SYNM: variants seen among roughly 807,000 people sequenced by gnomAD.
SYNM encodes desmuslin.
In SYNM, 95 loss-of-function variants were observed where a neutral mutation model predicts 104.0. The ratio of observed to expected loss-of-function variants is 0.91; its 90% CI spans 0.77 to 1.08. The LOEUF is 1.08. Ranked by LOEUF, SYNM falls within the 50% of genes least tolerant of loss-of-function variation. The pLI is 0.00. For synonymous variants in SYNM, 918 were observed against 869.0 expected (o/e 1.06, Z -0.99); for missense variants, 2,150 against 2,052.2 (o/e 1.05, Z -0.92).
At chr15:99,141,330 T>C in the SYNM span, among the ~76,000 whole-genome samples, 2 of 152,146 alleles carry the variant, frequency 1.3e-5, no homozygotes, top group African/African-American at 2.4e-5. Context: ...ATGCATATAA[T>C]ATGTATTATA....
chr15:99,113,944 C>T (rs954950315), intron 2 of SYNM, among the ~76,000 whole-genome samples: 5 of 152,176 alleles, frequency 3.3e-5, no homozygotes, highest in Admixed American at 1.3e-4. Context: ...GTAGCTGAGC[C>T]GTGCCCCCTT....
intron 1 of SYNM, among the ~76,000 whole-genome samples, chr15:99,110,511 G>T (rs1258614735): frequency 6.6e-6 from 1 of 152,244 alleles, no homozygotes; most frequent in Non-Finnish European, 1.5e-5. Context: ...TCGGCATCCA[G>T]TTCGTGCTTA....
chr15:99,105,199 G>A lies in SYNM; in HGVS notation c.-1G>A, dbSNP rs782728995. ...CGCGAGAACCCCGCACGCCCGGCAAGATGCTGTCCTGGCGGCTGCAGACGG... is the reference window on the plus strand; with the variant it reads ...CGCGAGAACCCCGCACGCCCGGCAAAATGCTGTCCTGGCGGCTGCAGACGG... On this transcript the variant is annotated 5_prime_UTR_variant, in exon 1 of 4. Transcript: ENST00000336292. The A allele has an allele frequency of 2.5e-6, 4 of 1,573,702 alleles. No homozygotes were observed. In the South Asian group the frequency reaches 3.5e-5, roughly 14 times the overall value.
In SYNM at chr15:99,130,673, G is replaced by A. The variant is rs782569951; in HGVS notation, c.2313G>A (p.Glu771=). 5.0e-6 allele frequency: 8 copies of A among 1,613,778 alleles called. No individual in the cohort carries two copies. The highest frequency in any genetic ancestry group is 1.3e-5 in the African/African-American group (1 of 74,924). ...PEEFSVPFKV[E]EVEDVSPGPW... is the part of the protein sequence containing the mutation. ...AGTTTTCCGTCCCATTCAAAGTGGA[G>A]GAGGTCGAAGATGTGTCGCCAGGCC... The change falls in exon 4 of 4, where the codon GAG becomes GAA. Residue 771 remains glutamate, a synonymous_variant. Coordinates refer to ENST00000336292, the MANE Select transcript of SYNM (RefSeq NM_145728.3).
chr15:99,128,656 C>T (rs2067469233), intron 3 of SYNM, among the ~76,000 whole-genome samples: 1 of 152,242 alleles, frequency 6.6e-6, no homozygotes, highest in Non-Finnish European at 1.5e-5. Flanking sequence ...GCGGTTTCCC[C>T]TGCTGGGGTG....
Position 99,132,737 on chromosome 15 carries a change from G to A in SYNM, c.4377G>A (p.Ser1459=), listed in dbSNP as rs141276249. Residue 1459 remains serine (S), a synonymous_variant, in exon 4 of 4, where the codon TCG becomes TCA. Transcript: ENST00000336292. ...TTGCACCAGGGCCCAAAGAAACTTC[G>A]TTTACCTTTCAGATGGATGTGAGTA... ...RHIAPGPKET[S]FTFQMDVSNV... is the part of the protein sequence containing the mutation. 29 of 1,613,914 alleles carry A rather than the reference G, an allele frequency of 1.8e-5. No individual in the cohort carries two copies. In the East Asian group the frequency reaches 2.5e-4, roughly 14 times the overall value.
rs923671374 is a variant in SYNM at position 99,132,638 on chromosome 15, A to G, written c.4278A>G (p.Thr1426=). 1.9e-5 allele frequency: 31 copies of G among 1,613,870 alleles called. No individual in the cohort carries two copies. The highest frequency in any genetic ancestry group is 2.6e-5 in the Non-Finnish European group (31 of 1,179,882). Residue 1426 remains threonine (T), a synonymous_variant, in exon 4 of 4, where the codon ACA becomes ACG. Transcript: ENST00000336292. The part of the protein sequence containing the change: ...HIAIRGPVSR[T]FVLAGSADSP... Reference sequence around the variant, plus strand: ...CCATCCGTGGACCCGTGTCCAGAACATTTGTGCTTGCTGGTTCAGCGGACT... The same window carrying G: ...CCATCCGTGGACCCGTGTCCAGAACGTTTGTGCTTGCTGGTTCAGCGGACT...
chr15:99,110,917 C>A (rs1412006590), intron 1 of SYNM, among the ~76,000 whole-genome samples: 2 of 152,214 alleles, frequency 1.3e-5, no homozygotes, highest in Non-Finnish European at 2.9e-5. Context: ...GAGCCCAAGT[C>A]TGAAGTTTTA....
downstream of SYNM, chr15:99,137,018 G>A (rs1365889062): frequency 6.6e-6 from 1 of 152,318 alleles, no homozygotes; most frequent in Non-Finnish European, 1.5e-5. Flanking sequence ...GCAATCTGCT[G>A]TCATAGCACC....
intron 2 of SYNM, among the ~76,000 whole-genome samples, chr15:99,116,650 G>C (rs1416589586): frequency 7.0e-6 from 1 of 142,984 alleles, no homozygotes; most frequent in African/African-American, 2.5e-5. Context: ...GCGAGCAAGA[G>C]AGTGGGGAGG....
chr15:99,139,445 G>A (rs2067963643), downstream of SYNM: 1 of 1,612,952 alleles, frequency 6.2e-7, no homozygotes. Context: ...AAGTGTCGCT[G>A]AGAGCAGGAA....
At chr15:99,117,823 C>T (rs1227909078) in intron 2 of SYNM, among the ~76,000 whole-genome samples, 2 of 151,674 alleles carry the variant, frequency 1.3e-5, no homozygotes, top group Non-Finnish European at 2.9e-5. Context: ...GGGCATCGAT[C>T]GCGAGCCGTT....
intron 3 of SYNM, among the ~76,000 whole-genome samples, chr15:99,127,847 G>A (rs1555485190): frequency 1.3e-5 from 2 of 152,176 alleles, no homozygotes; most frequent in South Asian, 2.1e-4. Context: ...CATCCATCAT[G>A]TAACCTAGAG....
At chr15:99,128,785 G>T (rs1344164712) in intron 3 of SYNM, 1 of 154,668 alleles carries the variant, frequency 6.5e-6, no homozygotes, top group Non-Finnish European at 1.4e-5. Flanking sequence ...TTTCTGCACT[G>T]GCTCCTTTTC....
In SYNM at chr15:99,132,406, C is replaced by A; in HGVS notation, c.4046C>A (p.Ala1349Glu). 1 of 1,613,968 alleles carries A rather than the reference C, an allele frequency of 6.2e-7. No homozygotes were observed. The highest frequency in any genetic ancestry group is 1.1e-5 in the South Asian group (1 of 91,074). Residue 1349 changes from alanine (A) to glutamate (E), a missense_variant, in exon 4 of 4, where the codon GCA (alanine) becomes GAA (glutamate). Transcript: ENST00000336292. The part of the protein sequence containing the change: ...SESTVHGEGS[A>E]DVHQATHSHT... ...AGCACTGTGCACGGAGAGGGCTCAGCAGATGTGCACCAGGCCACTCACAGT... is the reference window on the plus strand; with the variant it reads ...AGCACTGTGCACGGAGAGGGCTCAGAAGATGTGCACCAGGCCACTCACAGT...
intron 2 of SYNM, among the ~76,000 whole-genome samples, chr15:99,126,306 G>T (rs533739086): frequency 6.6e-6 from 1 of 152,194 alleles, no homozygotes; most frequent in Non-Finnish European, 1.5e-5. Flanking sequence ...AGAACCCAGT[G>T]GGGGGTGTAG....
At position 99,132,162 on chromosome 15, in the gene SYNM, G is replaced by C; in HGVS notation, c.3802G>C (p.Gly1268Arg). 1 of 1,613,966 alleles carries C rather than the reference G, an allele frequency of 6.2e-7. No individual in the cohort carries two copies. Among genetic ancestry groups the C allele is most frequent in the Non-Finnish European group, 8.5e-7 (1 of 1,179,830 alleles). Reference protein sequence around the residue: ...TQTSVRQLQLGPKEGFSGQIQ... With the variant: ...TQTSVRQLQLRPKEGFSGQIQ... ...GACTTCTGTCAGGCAACTCCAGTTAGGCCCTAAAGAAGGGTTCAGTGGGCA... is the reference window on the plus strand; with the variant it reads ...GACTTCTGTCAGGCAACTCCAGTTACGCCCTAAAGAAGGGTTCAGTGGGCA... Residue 1268 changes from glycine (G) to arginine (R), a missense_variant, in exon 4 of 4, where the codon GGC (glycine) becomes CGC (arginine). Coordinates refer to ENST00000336292, the MANE Select transcript of SYNM (RefSeq NM_145728.3).
intron 3 of SYNM, among the ~76,000 whole-genome samples, chr15:99,128,154 A>G (rs1012277618): frequency 6.6e-6 from 1 of 152,238 alleles, no homozygotes; most frequent in Admixed American, 6.5e-5. Flanking sequence ...AATTTTTATT[A>G]GACGTTGAGC....
In SYNM at chr15:99,133,862, A is replaced by G. The variant is rs140067355; in HGVS notation, c.*804A>G. 4.1e-5 allele frequency: 5 copies of G among 122,934 alleles called. No individual in the cohort carries two copies. Among genetic ancestry groups the G allele is most frequent in the Non-Finnish European group, 8.5e-5 (5 of 58,682 alleles). 7.6% of individuals were successfully genotyped at this position (122,934 alleles called of 1,614,324 possible). On this transcript the variant is annotated 3_prime_UTR_variant, in exon 4 of 4. Coordinates refer to ENST00000336292, the MANE Select transcript of SYNM (RefSeq NM_145728.3). Reference sequence around the variant, plus strand: ...CCCTTTTCTGGAGTGGCCAGTTCCTATCAGACTGTGCAGACTTGCGCTTCT... The same window carrying G: ...CCCTTTTCTGGAGTGGCCAGTTCCTGTCAGACTGTGCAGACTTGCGCTTCT...
Sources: allele counts gnomAD v4.1 joint callset (sites outside exome capture counted in the v4.1 genomes callset), GRCh38; gene constraint gnomAD v4.1.1; transcripts MANE v1.5; gene names NCBI Gene and HGNC (gene_info 2026-07-23, HGNC 2026-07-21).